The following MTM1 variants were observed in gnomAD, a reference collection of about 807,000 sequenced individuals.
MTM1 encodes myotubularin.
MTM1 carries 9 observed loss-of-function variants against 52.1 expected under a neutral mutation model. The observed-to-expected ratio is 0.17, with a 90% CI of 0.10 to 0.30. The LOEUF is 0.30. Among genes scored for constraint, MTM1 ranks in the 10% least tolerant of loss-of-function variants. The pLI is 1.00. For missense variants in MTM1, 277 were observed against 470.7 expected (o/e 0.59, Z 3.81); for synonymous variants, 136 against 163.8 (o/e 0.83, Z 1.29).
At chrX:150,583,795 A>T (rs868964121) in intron 1 of MTM1, among the ~76,000 whole-genome samples, 1 of 51,098 alleles carries the variant, frequency 2.0e-5, no homozygotes, top group Non-Finnish European at 3.3e-5. Flanking sequence ...ATATATATAA[A>T]ATATATATTA....
chrX:150,629,159 G>A (rs192247355), intron 6 of MTM1, among the ~76,000 whole-genome samples: 36 of 111,780 alleles, frequency 3.2e-4, no homozygotes, highest in African/African-American at 9.8e-4. Context: ...CTGTCAGTGT[G>A]AAGGCAGACC....
intron 1 of MTM1, among the ~76,000 whole-genome samples, chrX:150,575,327 C>T (rs1183962712): frequency 5.3e-5 from 6 of 112,384 alleles, no homozygotes; most frequent in Non-Finnish European, 9.4e-5. Flanking sequence ...CCCTGGGCAT[C>T]GCCCACAGAT....
chrX:150,647,866 G>A (rs2039961203), intron 9 of MTM1, among the ~76,000 whole-genome samples: 1 of 112,310 alleles, frequency 8.9e-6, no homozygotes, highest in Admixed American at 9.4e-5. Context: ...GCGGTACATC[G>A]TGATGAATTA....
chrX:150,663,169 A>T (rs1557414766), intron 13 of MTM1, among the ~76,000 whole-genome samples: 3 of 112,454 alleles, frequency 2.7e-5, no homozygotes, highest in Admixed American at 9.4e-5. Context: ...TGGTCAGTGA[A>T]TTGCATTTAA....
rs1393369263 is a variant in MTM1 at position 150,672,975 on chromosome X, TCTTA to T, written c.*1384_*1387del. 1 of 112,605 alleles carries T rather than the reference TCTTA, an allele frequency of 8.9e-6. No individual in the cohort carries two copies. Among genetic ancestry groups the T allele is most frequent in the Non-Finnish European group, 1.9e-5 (1 of 53,360 alleles). The allele number at this position is 112,605 out of a possible 1,213,427, so 9.3% of individuals were successfully genotyped here. ...GTATAAGAAATTTTATTAGACATTC[TCTTA>T]CTTTTTGTAAATGCTGTAAATATTT... On this transcript the variant is annotated 3_prime_UTR_variant, in exon 15 of 15. Coordinates refer to ENST00000370396, the MANE Select transcript of MTM1 (RefSeq NM_000252.3).
intron 8 of MTM1, among the ~76,000 whole-genome samples, chrX:150,644,164 A>C (rs186092121): frequency 1.8e-4 from 20 of 111,710 alleles, no homozygotes; most frequent in African/African-American, 6.1e-4. Context: ...AATATTAAAA[A>C]ATATTTTAAT....
At chrX:150,563,951 G>A (rs999363498), upstream of MTM1, among the ~76,000 whole-genome samples, 15 of 111,353 alleles carry the variant, frequency 1.3e-4, no homozygotes, top group African/African-American at 4.6e-4. Flanking sequence ...AGTGAAATTC[G>A]CCCATCTCAT....
chrX:150,596,794 C>T, intron 3 of MTM1: 1 of 357,218 alleles, frequency 2.8e-6, no homozygotes, highest in South Asian at 4.5e-5. Flanking sequence ...GTACCAAAGA[C>T]TGAGAATGAT....
chrX:150,639,047 G>A, intron 7 of MTM1, 21 bp downstream of exon 7: 1 of 1,107,842 alleles, frequency 9.0e-7, no homozygotes, highest in Non-Finnish European at 1.2e-6. Context: ...AGATGCTATT[G>A]TCTGGTATGT....
chrX:150,639,175 A>T, intron 7 of MTM1, 149 bp downstream of exon 7: 1 of 553,370 alleles, frequency 1.8e-6, no homozygotes, highest in Non-Finnish European at 3.2e-6. Context: ...TTTGTACAAT[A>T]TATCTCATTC....
intron 14 of MTM1, among the ~76,000 whole-genome samples, chrX:150,664,001 T>C (rs1419604562): frequency 1.8e-5 from 2 of 112,184 alleles, no homozygotes; most frequent in Admixed American, 9.5e-5. Context: ...TTCAGGTGTA[T>C]GCACTAGATC....
chrX:150,607,030 G>GT (rs1437045642), intron 4 of MTM1, among the ~76,000 whole-genome samples: 1 of 99,545 alleles, frequency 1.0e-5, no homozygotes, highest in Non-Finnish European at 2.0e-5. Context: ...CCAGGTTGGA[G>GT]TGCAGTGGCG....
chrX:150,578,883 A>G (rs2038522061), intron 1 of MTM1, among the ~76,000 whole-genome samples: 1 of 106,876 alleles, frequency 9.4e-6, no homozygotes, highest in African/African-American at 3.4e-5. Context: ...TTGCCTTTCC[A>G]TACAAATTTT....
At chrX:150,583,380 TATAA>T (rs2038652605) in intron 1 of MTM1, among the ~76,000 whole-genome samples, 3 of 20,395 alleles carry the variant, frequency 1.5e-4, no homozygotes, top group Admixed American at 2.4e-3. Context: ...ATATATTATA[TATAA>T]TATAATATAT....
chrX:150,582,759 C>G (rs979135904), intron 1 of MTM1, among the ~76,000 whole-genome samples: 2 of 110,181 alleles, frequency 1.8e-5, no homozygotes, highest in African/African-American at 6.6e-5. Context: ...CCCCTAGAGG[C>G]TCCAGATGGC....
chrX:150,577,799 CCT>C (rs1169650243), intron 1 of MTM1, among the ~76,000 whole-genome samples: 26 of 112,210 alleles, frequency 2.3e-4, no homozygotes, highest in African/African-American at 7.4e-4. Flanking sequence ...TACTTTTTCC[CCT>C]GTTATGGTTT....
intron 6 of MTM1, among the ~76,000 whole-genome samples, chrX:150,624,864 G>C (rs970703656): frequency 8.9e-6 from 1 of 112,326 alleles, no homozygotes; most frequent in Non-Finnish European, 1.9e-5. Context: ...TATTGTAGGC[G>C]TGAATATAGT....
At chrX:150,633,881 A>T (rs1190677027) in intron 6 of MTM1, among the ~76,000 whole-genome samples, 2 of 111,864 alleles carry the variant, frequency 1.8e-5, no homozygotes, top group Non-Finnish European at 3.8e-5. Flanking sequence ...AAATACAAAA[A>T]AAAATTAGCT....
chrX:150,667,002 G>A lies in MTM1; in HGVS notation c.1644+3393G>A, dbSNP rs374030157. On this transcript the variant is annotated intron_variant, in intron 14 of 14. Coordinates refer to ENST00000370396, the MANE Select transcript of MTM1 (RefSeq NM_000252.3). ...CCTGCCATCTCCCGTGTGTGGCAGC[G>A]ATAACCTTCTAGCTGGACCCCCTGA... Among the ~76,000 whole-genome samples the A allele has an allele frequency of 2.1e-4, 23 of 111,752 alleles. No homozygotes were observed. In the South Asian group the frequency reaches 7.5e-3, roughly 37 times the overall value.
Sources: gnomAD v4.1 joint callset for allele counts (sites outside exome capture counted in the v4.1 genomes callset) on GRCh38, gnomAD v4.1.1 for gene constraint, MANE v1.5 for transcripts, NCBI Gene and HGNC (gene_info 2026-07-23, HGNC 2026-07-21) for gene names.